The following PVT1 variants were observed in gnomAD, a reference collection of about 807,000 sequenced individuals.
PVT1 encodes the protein CXCR4/PVT1 fusion.
At chr8:128,008,782 C>T (rs927428739) in intron 4 of PVT1, 1 of 369,022 alleles carries the variant, frequency 2.7e-6, no homozygotes. Context: ...TGTCTTTATT[C>T]TGCCCACTCA....
intron 4 of PVT1, among the ~76,000 whole-genome samples, chr8:128,051,700 C>G (rs180779290): frequency 6.6e-6 from 1 of 152,122 alleles, no homozygotes; most frequent in East Asian, 1.9e-4. Flanking sequence ...ATTCCATCTT[C>G]TGGTCGATCA....
At chr8:127,921,811 TGG>T (rs1563640055) in intron 3 of PVT1, among the ~76,000 whole-genome samples, 6 of 144,266 alleles carry the variant, frequency 4.2e-5, no homozygotes, top group African/African-American at 1.0e-4. Flanking sequence ...AGACTCTGTC[TGG>T]AAAATAAATA....
At chr8:127,965,475 C>T (rs1816693438) in intron 3 of PVT1, among the ~76,000 whole-genome samples, 1 of 152,226 alleles carries the variant, frequency 6.6e-6, no homozygotes, top group Non-Finnish European at 1.5e-5. Context: ...TTGCTGTAGG[C>T]TCTGGCGTTA....
intron 3 of PVT1, among the ~76,000 whole-genome samples, chr8:127,893,996 G>C (rs1414227573): frequency 6.6e-6 from 1 of 152,200 alleles, no homozygotes; most frequent in Non-Finnish European, 1.5e-5. Flanking sequence ...TCTACTCGTG[G>C]TGCAGGAGCT....
At chr8:127,808,600 G>C (rs1325478281) in intron 2 of PVT1, among the ~76,000 whole-genome samples, 1 of 152,042 alleles carries the variant, frequency 6.6e-6, no homozygotes, top group South Asian at 2.1e-4. Flanking sequence ...CTTTTTGTTG[G>C]GTAGATGGTG....
intron 2 of PVT1, among the ~76,000 whole-genome samples, chr8:127,826,033 T>TTA (rs1047852177): frequency 2.1e-5 from 3 of 146,036 alleles, no homozygotes; most frequent in Non-Finnish European, 4.5e-5. Flanking sequence ...TTTTTTTTTT[T>TTA]TTTGATAGTA....
At chr8:127,894,523 C>A (rs1586425418) in intron 3 of PVT1, among the ~76,000 whole-genome samples, 1 of 152,188 alleles carries the variant, frequency 6.6e-6, no homozygotes, top group South Asian at 2.1e-4. Flanking sequence ...CACCCCTACT[C>A]CTGTCCAGCC....
chr8:127,811,381 T>C (rs1814593376), intron 2 of PVT1, among the ~76,000 whole-genome samples: 1 of 152,224 alleles, frequency 6.6e-6, no homozygotes, highest in Non-Finnish European at 1.5e-5. Flanking sequence ...TGCAGCTCCT[T>C]GGTTATAGGT....
intron 4 of PVT1, among the ~76,000 whole-genome samples, chr8:128,023,939 A>G (rs1187735622): frequency 6.6e-6 from 1 of 152,230 alleles, no homozygotes; most frequent in Non-Finnish European, 1.5e-5. Flanking sequence ...GCTCTACGCC[A>G]GGCACTTCTT....
intron 4 of PVT1, among the ~76,000 whole-genome samples, chr8:128,059,266 G>A (rs1813801546): frequency 6.6e-6 from 1 of 152,064 alleles, no homozygotes; most frequent in Non-Finnish European, 1.5e-5. Flanking sequence ...TCAATACGCA[G>A]CTCAACACAG....
chr8:127,810,147 C>A (rs970276787), intron 2 of PVT1, among the ~76,000 whole-genome samples: 2 of 152,224 alleles, frequency 1.3e-5, no homozygotes, highest in Non-Finnish European at 2.9e-5. Flanking sequence ...TGGGGGGCCA[C>A]CCCCTGGCCT....
At chr8:127,804,372 T>A (rs1814502615) in intron 2 of PVT1, among the ~76,000 whole-genome samples, 1 of 152,288 alleles carries the variant, frequency 6.6e-6, no homozygotes, top group African/African-American at 2.4e-5. Context: ...ACATTGGGCC[T>A]CACTCCTAGG....
rs375218938 is a variant in PVT1 at position 127,862,813 on chromosome 8, T to A, written n.373-27776T>A. Among the ~76,000 whole-genome samples the A allele has an allele frequency of 3.5e-4, 53 of 152,346 alleles. 1 individual carries two copies. The South Asian group carries it at 0.011, about 31-fold the overall frequency. On this transcript the variant is annotated intron_variant and non_coding_transcript_variant, in intron 2 of 10. Transcript: ENST00000651587. ...TTCATGTTTATGGCTTATTTGTGTT[T>A]GTTAACTGGTCATTTCCTTTGGGGT...
chr8:127,850,520 G>T (rs906296018), intron 2 of PVT1, among the ~76,000 whole-genome samples: 1 of 149,994 alleles, frequency 6.7e-6, no homozygotes, highest in African/African-American at 2.5e-5. Flanking sequence ...ACTGTGGTTT[G>T]TATAGTAAGA....
chr8:127,933,500 T>C (rs1035111908), intron 3 of PVT1, among the ~76,000 whole-genome samples: 1 of 151,986 alleles, frequency 6.6e-6, no homozygotes, highest in African/African-American at 2.4e-5. Flanking sequence ...CGGGTATAGG[T>C]GGGTATAGTT....
chr8:127,892,246 T>C (rs1168513917), intron 3 of PVT1, among the ~76,000 whole-genome samples: 1 of 152,224 alleles, frequency 6.6e-6, no homozygotes, highest in East Asian at 1.9e-4. Context: ...TTAGATGTGT[T>C]CTAATTGTAT....
At position 128,008,890 on chromosome 8, in the gene PVT1, T is replaced by A. The variant is rs565537095; in HGVS notation, n.912+19599T>A. The A allele has an allele frequency of 4.8e-5, 25 of 517,732 alleles. No homozygotes were observed. The East Asian group carries it at 1.3e-3, about 26-fold the overall frequency. The allele number at this position is 517,732 out of a possible 1,614,324, so 32.1% of individuals were successfully genotyped here. ...AGCTATGGTCAGGCTTACATGCTTT[T>A]TTCATATCAGTGTTCATGTAGATGT... On this transcript the variant is annotated intron_variant and non_coding_transcript_variant, in intron 4 of 10. Transcript: ENST00000651587.
intron 3 of PVT1, among the ~76,000 whole-genome samples, chr8:127,933,168 C>T (rs886442604): frequency 6.6e-5 from 10 of 152,148 alleles, no homozygotes; most frequent in South Asian, 4.1e-4. Context: ...CTCTGCCTCC[C>T]GGGTTCAAGC....
At position 127,915,286 on chromosome 8, in the gene PVT1, T is replaced by A. The variant is rs181568496; in HGVS notation, n.782+24288T>A. ...GCAGATTTTACCTCCATTAAAACAG[T>A]TATGACATCACAGATCCCATCAGGT... On this transcript the variant is annotated intron_variant and non_coding_transcript_variant, in intron 3 of 10. Coordinates refer to ENST00000651587, the Ensembl canonical transcript of PVT1. Among the ~76,000 whole-genome samples the A allele has an allele frequency of 6.6e-4, 101 of 152,172 alleles. 2 individuals are homozygous for A. The highest frequency in any genetic ancestry group is 3.5e-3 in the East Asian group (18 of 5,180).
Sources: allele counts gnomAD v4.1 joint callset (sites outside exome capture counted in the v4.1 genomes callset), GRCh38; gene constraint gnomAD v4.1.1; transcripts MANE v1.5; gene names NCBI Gene and HGNC (gene_info 2026-07-23, HGNC 2026-07-21).